Variants in TSPAN9 observed in about 807,000 individuals in gnomAD.
The protein encoded by TSPAN9 is tetraspanin-9.
In TSPAN9, 16 loss-of-function variants were observed where a neutral mutation model predicts 31.0. That is an observed-to-expected ratio of 0.52 (90% confidence interval 0.35 to 0.78). The LOEUF is 0.78. Ranked by LOEUF, TSPAN9 falls within the 30% of genes least tolerant of loss-of-function variation. The pLI is 0.01. For synonymous variants in TSPAN9, 145 were observed against 121.6 expected (o/e 1.19, Z -1.27); for missense variants, 272 against 312.5 (o/e 0.87, Z 0.98).
At chr12:3,164,631 A>T (rs890588938) in intron 2 of TSPAN9, among the ~76,000 whole-genome samples, 1 of 152,156 alleles carries the variant, frequency 6.6e-6, no homozygotes, top group African/African-American at 2.4e-5. Flanking sequence ...GACTCCTGGG[A>T]GCCAGCAGTG....
chr12:3,263,759 C>T (rs943420864), intron 3 of TSPAN9, among the ~76,000 whole-genome samples: 5 of 152,122 alleles, frequency 3.3e-5, no homozygotes, highest in Non-Finnish European at 2.9e-5. Context: ...GTTCTGGGGC[C>T]GATGACGGCC....
At chr12:3,204,804 A>G (rs2098374098) in intron 3 of TSPAN9, among the ~76,000 whole-genome samples, 1 of 152,234 alleles carries the variant, frequency 6.6e-6, no homozygotes, top group Non-Finnish European at 1.5e-5. Flanking sequence ...CCTGTTCTCC[A>G]GTAAGCACAC....
chr12:3,174,790 G>A (rs1006953936), intron 2 of TSPAN9, among the ~76,000 whole-genome samples: 25 of 149,406 alleles, frequency 1.7e-4, no homozygotes, highest in African/African-American at 5.6e-4. Context: ...CACCGTGTTA[G>A]CCAGGATGGT....
At chr12:3,261,694 C>T (rs1046658723) in intron 3 of TSPAN9, among the ~76,000 whole-genome samples, 20 of 152,178 alleles carry the variant, frequency 1.3e-4, no homozygotes, top group African/African-American at 4.8e-4. Context: ...TGAGAAGCAA[C>T]GTGGGCACCC....
At chr12:3,258,380 A>G (rs1318340186) in intron 3 of TSPAN9, among the ~76,000 whole-genome samples, 1 of 152,168 alleles carries the variant, frequency 6.6e-6, no homozygotes, top group East Asian at 1.9e-4. Context: ...TCTGGGGCCC[A>G]GAATCACCTT....
chr12:3,267,668 T>C (rs1862561578), intron 3 of TSPAN9, among the ~76,000 whole-genome samples: 1 of 152,122 alleles, frequency 6.6e-6, no homozygotes, highest in African/African-American at 2.4e-5. Flanking sequence ...AAGGAAAAAA[T>C]ATGCTGGTGG....
chr12:3,285,602 CAG>C lies in TSPAN9; in HGVS notation c.*2489_*2490del, dbSNP rs1426434415. 1 of 152,358 alleles carries C rather than the reference CAG, an allele frequency of 6.6e-6. No individual in the cohort carries two copies. The highest frequency in any genetic ancestry group is 1.9e-4 in the East Asian group (1 of 5,174). 9.4% of individuals were successfully genotyped at this position (152,358 alleles called of 1,614,324 possible). On this transcript the variant is annotated 3_prime_UTR_variant, in exon 9 of 9. Coordinates refer to ENST00000011898, the MANE Select transcript of TSPAN9 (RefSeq NM_006675.5). ...GGTGTTCCTTCGAGCCCCTTCCACT[CAG>C]AGGGCCACACCCAGCGATGCCAGTG...
intron 3 of TSPAN9, among the ~76,000 whole-genome samples, chr12:3,255,772 A>G (rs556098423): frequency 6.6e-6 from 1 of 152,384 alleles, no homozygotes; most frequent in African/African-American, 2.4e-5. Context: ...GCCTTTGTGT[A>G]GACAAATAAA....
chr12:3,139,271 G>A (rs1423396269), intron 2 of TSPAN9, among the ~76,000 whole-genome samples: 5 of 152,200 alleles, frequency 3.3e-5, no homozygotes, highest in East Asian at 3.9e-4. Context: ...CGATCCTTCC[G>A]TCCAAGTGTT....
At chr12:3,130,984 TCG>T in intron 2 of TSPAN9, among the ~76,000 whole-genome samples, 1 of 152,106 alleles carries the variant, frequency 6.6e-6, no homozygotes, top group Non-Finnish European at 1.5e-5. Flanking sequence ...ACCTTCAAGG[TCG>T]TTGGGGCCAG....
chr12:3,278,926 C>T, intron 4 of TSPAN9, 66 bp from the exon 5 acceptor site: 1 of 1,557,690 alleles, frequency 6.4e-7, no homozygotes, highest in African/African-American at 1.4e-5. Flanking sequence ...TCCCTGCCTT[C>T]CACACCCTCC....
At chr12:3,218,829 TGGGTCATTAAAAAAAACA>T (rs2098382744) in intron 3 of TSPAN9, among the ~76,000 whole-genome samples, 1 of 152,188 alleles carries the variant, frequency 6.6e-6, no homozygotes, top group Non-Finnish European at 1.5e-5. Context: ...GGCTGGAATC[TGGGTCATTAAAAAAAACA>T]ACCTGATATT....
chr12:3,191,329 G>C (rs1473790155), intron 2 of TSPAN9, among the ~76,000 whole-genome samples: 1 of 152,182 alleles, frequency 6.6e-6, no homozygotes, highest in Non-Finnish European at 1.5e-5. Context: ...AGTGGAGCGT[G>C]TGGGTGCCTC....
chr12:3,182,358 A>T (rs1481257301), intron 2 of TSPAN9, among the ~76,000 whole-genome samples: 1 of 151,912 alleles, frequency 6.6e-6, no homozygotes, highest in Admixed American at 6.6e-5. Context: ...CGCCCACCCG[A>T]GGCTGCCTGG....
intron 2 of TSPAN9, among the ~76,000 whole-genome samples, chr12:3,158,334 C>A (rs1419670901): frequency 2.0e-5 from 3 of 152,200 alleles, no homozygotes; most frequent in Non-Finnish European, 2.9e-5. Flanking sequence ...TGTCACACTC[C>A]CTTTTCCTAT....
chr12:3,152,843 C>T (rs1156695690), intron 2 of TSPAN9, among the ~76,000 whole-genome samples: 1 of 152,230 alleles, frequency 6.6e-6, no homozygotes, highest in Admixed American at 6.5e-5. Context: ...CCGCCTTGGC[C>T]TCCCAAAGTG....
At chr12:3,222,902 C>T (rs1220119127) in intron 3 of TSPAN9, among the ~76,000 whole-genome samples, 1 of 152,088 alleles carries the variant, frequency 6.6e-6, no homozygotes, top group East Asian at 1.9e-4. Context: ...CCGAGGGGGC[C>T]CTAAGTCACA....
chr12:3,155,701 G>T (rs2098341896), intron 2 of TSPAN9, among the ~76,000 whole-genome samples: 1 of 152,208 alleles, frequency 6.6e-6, no homozygotes, highest in Non-Finnish European at 1.5e-5. Flanking sequence ...GAAGCATGGA[G>T]TTGGAACTGG....
At chr12:3,151,767 A>AAAAAC (rs1320775680) in intron 2 of TSPAN9, among the ~76,000 whole-genome samples, 3 of 152,098 alleles carry the variant, frequency 2.0e-5, no homozygotes, top group South Asian at 4.2e-4. Context: ...TTCCTTTCTT[A>AAAAAC]AAAACAAAAC....
Sources: gnomAD v4.1 joint callset for allele counts (sites outside exome capture counted in the v4.1 genomes callset) on GRCh38, gnomAD v4.1.1 for gene constraint, MANE v1.5 for transcripts, NCBI Gene and HGNC (gene_info 2026-07-23, HGNC 2026-07-21) for gene names.